Variants in AGBL4 observed in about 807,000 individuals in gnomAD.
AGBL4 encodes the protein AGBL carboxypeptidase 4.
Under a neutral mutation model 66.4 loss-of-function variants are expected in AGBL4, and 58 were observed. The ratio of observed to expected loss-of-function variants is 0.87; its 90% CI spans 0.71 to 1.09. The LOEUF is 1.09. Ranked by LOEUF, AGBL4 falls within the 50% of genes least tolerant of loss-of-function variation. The pLI is 0.00. For missense variants in AGBL4, 579 were observed against 631.0 expected, an observed-to-expected ratio of 0.92 and a Z score of 0.88; for synonymous variants, 234 against 222.9, an observed-to-expected ratio of 1.05 and a Z score of -0.44.
chr1:49,567,828 A>T (rs2148865861), intron 3 of AGBL4, among the ~76,000 whole-genome samples: 1 of 152,354 alleles, frequency 6.6e-6, no homozygotes, highest in Non-Finnish European at 1.5e-5. Context: ...AAATAAACAA[A>T]TGCAACTCAT....
intron 3 of AGBL4, among the ~76,000 whole-genome samples, chr1:49,589,368 C>A (rs1290779329): frequency 6.6e-6 from 1 of 151,896 alleles, no homozygotes. Flanking sequence ...GCATTTGGAC[C>A]CTAGATTCCT....
intron 2 of AGBL4, among the ~76,000 whole-genome samples, chr1:49,708,267 C>T (rs947119191): frequency 6.6e-6 from 1 of 151,976 alleles, no homozygotes; most frequent in Admixed American, 6.6e-5. Flanking sequence ...ATTCTTTTTA[C>T]TCTAATCTTG....
At chr1:49,656,037 C>T (rs1347872784) in intron 3 of AGBL4, among the ~76,000 whole-genome samples, 4 of 151,970 alleles carry the variant, frequency 2.6e-5, no homozygotes, top group Non-Finnish European at 5.9e-5. Context: ...ATCCCAGTTA[C>T]TGGGGAGGCT....
At chr1:49,491,133 T>C (rs1647177439) in intron 3 of AGBL4, among the ~76,000 whole-genome samples, 1 of 151,802 alleles carries the variant, frequency 6.6e-6, no homozygotes, top group South Asian at 2.1e-4. Context: ...TAATGCACCC[T>C]CCCTTGTGTC....
intron 1 of AGBL4, among the ~76,000 whole-genome samples, chr1:50,014,700 T>C (rs890491932): frequency 4.6e-5 from 7 of 152,112 alleles, no homozygotes; most frequent in Non-Finnish European, 1.0e-4. Flanking sequence ...AATTTTTGTA[T>C]ATCTAGTAGA....
chr1:49,911,879 G>T, intron 1 of AGBL4, among the ~76,000 whole-genome samples: 1 of 152,174 alleles, frequency 6.6e-6, no homozygotes, highest in East Asian at 1.9e-4. Context: ...TCTTAAAGTT[G>T]CCTGTGCTTT....
chr1:49,642,463 G>A (rs1035587056), intron 3 of AGBL4, among the ~76,000 whole-genome samples: 3 of 151,938 alleles, frequency 2.0e-5, no homozygotes, highest in Non-Finnish European at 4.4e-5. Flanking sequence ...AGAGAACCAG[G>A]ATAGCTAGTT....
At chr1:49,742,886 T>C (rs115457016) in intron 2 of AGBL4, among the ~76,000 whole-genome samples, 1,576 of 152,272 alleles carry the variant, frequency 0.01, 11 homozygotes, top group Non-Finnish European at 0.017. Context: ...TCTTACACTT[T>C]ATACAAAAAT....
chr1:49,873,132 G>A (rs1030490585), intron 1 of AGBL4, among the ~76,000 whole-genome samples: 8 of 151,922 alleles, frequency 5.3e-5, no homozygotes, highest in Non-Finnish European at 4.4e-5. Context: ...GCCTACTGAT[G>A]TATGGACTTC....
chr1:49,157,941 T>C (rs1646466235), intron 4 of AGBL4, among the ~76,000 whole-genome samples: 1 of 152,224 alleles, frequency 6.6e-6, no homozygotes. Context: ...ATTTTTTTCT[T>C]GTAAATTTGT....
chr1:48,801,995 C>G (rs1183491940), intron 6 of AGBL4, among the ~76,000 whole-genome samples: 1 of 152,064 alleles, frequency 6.6e-6, no homozygotes. Context: ...GTCTTCCCCA[C>G]CAGCCAGAGT....
chr1:49,683,791 T>C (rs1283450386), intron 3 of AGBL4, among the ~76,000 whole-genome samples: 1 of 152,146 alleles, frequency 6.6e-6, no homozygotes, highest in African/African-American at 2.4e-5. Context: ...ATCTGAGTAA[T>C]TAAGTAGACA....
intron 4 of AGBL4, among the ~76,000 whole-genome samples, chr1:49,229,348 C>A (rs1560512): frequency 0.92 from 140,304 of 152,262 alleles, 64,802 homozygotes; most frequent in South Asian, 0.95. Context: ...ACAGAAAAGA[C>A]GTAAGAAAGG....
intron 2 of AGBL4, among the ~76,000 whole-genome samples, chr1:49,758,080 A>G (rs1431936751): frequency 2.6e-5 from 4 of 152,182 alleles, no homozygotes; most frequent in Non-Finnish European, 5.9e-5. Context: ...CTTCAGTTCC[A>G]GCTGTGGCTA....
At chr1:49,555,323 GC>G (rs1261460622) in intron 3 of AGBL4, among the ~76,000 whole-genome samples, 1 of 150,926 alleles carries the variant, frequency 6.6e-6, no homozygotes, top group Non-Finnish European at 1.5e-5. Flanking sequence ...ACTGATTGGT[GC>G]ATTTACAAAC....
intron 3 of AGBL4, among the ~76,000 whole-genome samples, chr1:49,284,704 A>G (rs986022475): frequency 1.3e-5 from 2 of 152,110 alleles, no homozygotes; most frequent in Non-Finnish European, 2.9e-5. Flanking sequence ...GAAAACAAAA[A>G]AAGGCAGGGG....
chr1:48,846,610 C>T lies in AGBL4; in HGVS notation c.634+20581G>A, dbSNP rs1461873773. Among the ~76,000 whole-genome samples the T allele has an allele frequency of 1.3e-5, 2 of 152,152 alleles. 1 individual carries two copies. Among genetic ancestry groups the T allele is most frequent in the African/African-American group, 4.8e-5 (2 of 41,434 alleles). ...CATGACTTTTGGCACGCCCTTTCTCCTCTTGGGCTCAGTTACTTCATATCC... is the reference window on the plus strand; with the variant it reads ...CATGACTTTTGGCACGCCCTTTCTCTTCTTGGGCTCAGTTACTTCATATCC... On this transcript the variant is annotated intron_variant, in intron 6 of 13. Coordinates refer to ENST00000371839, the MANE Select transcript of AGBL4 (RefSeq NM_032785.4).
At chr1:48,675,870 C>T (rs1241777344) in intron 6 of AGBL4, among the ~76,000 whole-genome samples, 3 of 152,226 alleles carry the variant, frequency 2.0e-5, no homozygotes, top group African/African-American at 7.2e-5. Flanking sequence ...TATATAACTT[C>T]TCCACCCTGT....
At chr1:49,379,899 G>C (rs1644558797) in intron 3 of AGBL4, among the ~76,000 whole-genome samples, 1 of 152,142 alleles carries the variant, frequency 6.6e-6, no homozygotes, top group Admixed American at 6.6e-5. Flanking sequence ...CTCATAAAAT[G>C]AGTCAGGGAG....
Sources: allele counts gnomAD v4.1 joint callset (sites outside exome capture counted in the v4.1 genomes callset), GRCh38; gene constraint gnomAD v4.1.1; transcripts MANE v1.5; gene names NCBI Gene and HGNC (gene_info 2026-07-23, HGNC 2026-07-21).